The following FRYL variants were observed in gnomAD, a reference collection of about 807,000 sequenced individuals.
The protein encoded by FRYL is FRY like transcription coactivator, also known as protein furry homolog-like.
Under a neutral mutation model 351.2 loss-of-function variants are expected in FRYL, and 150 were observed. The observed-to-expected ratio is 0.43, with a 90% CI of 0.37 to 0.49. The LOEUF (loss-of-function observed/expected upper bound fraction) is 0.49, where lower values mean the gene tolerates loss of function less well. Ranked by LOEUF, FRYL falls within the 20% of genes least tolerant of loss-of-function variation. The probability of loss-of-function intolerance (pLI) is 0.00; values close to 1 mark genes in which losing one functional copy is unlikely to be tolerated. For missense variants in FRYL, 3,036 were observed against 3,619.3 expected (o/e 0.84, Z 4.13); for synonymous variants, 1,153 against 1,257.1 (o/e 0.92, Z 1.75).
rs1560614292 is a variant in FRYL at position 48,564,114 on chromosome 4, TTG to T, written c.3442-14_3442-13del. On this transcript the variant is annotated splice_polypyrimidine_tract_variant and intron_variant, in intron 30 of 63. Transcript: ENST00000358350. ...CCCAGCTGGTGAACCTAGGTAAAGG[TTG>T]TGAAATTGCCCGAGAGAGAACGTTA... 1.2e-6 allele frequency: 2 copies of T among 1,612,124 alleles called. No individual in the cohort carries two copies. The highest frequency in any genetic ancestry group is 1.7e-5 in the Admixed American group (1 of 59,390).
At position 48,753,152 on chromosome 4, in the gene FRYL, T is replaced by C. The variant is rs367806566; in HGVS notation, c.-384+26926A>G. Among the ~76,000 whole-genome samples the C allele has an allele frequency of 5.9e-5, 9 of 152,308 alleles. No individual in the cohort carries two copies. In the South Asian group the frequency reaches 1.2e-3, roughly 21 times the overall value. ...TTGCTAATAAGAGATCTTCTTTCTA[T>C]TGGCACAGGATCATGACATTAAACA... On this transcript the variant is annotated intron_variant, in intron 1 of 63. Transcript: ENST00000358350.
intron 10 of FRYL, 81 bp from the exon 11 acceptor site, chr4:48,605,914 C>T (rs1459072919): frequency 3.5e-5 from 31 of 883,174 alleles, no homozygotes; most frequent in Non-Finnish European, 5.5e-5. Context: ...ATTTTGTGAA[C>T]ACTCTGTCAT....
At chr4:48,562,789 A>G in intron 32 of FRYL, 100 bp downstream of exon 32, 1 of 688,084 alleles carries the variant, frequency 1.5e-6, no homozygotes, top group Non-Finnish European at 2.6e-6. Flanking sequence ...CTATAAATAA[A>G]GCTAAATACT....
intron 28 of FRYL, 81 bp from the exon 29 acceptor site, chr4:48,565,772 T>G (rs775381870): frequency 6.7e-6 from 9 of 1,338,894 alleles, no homozygotes; most frequent in Non-Finnish European, 9.3e-6. Context: ...ATTGAATGTG[T>G]AATAGTGTAA....
chr4:48,499,480 G>A lies in FRYL; in HGVS notation c.8984C>T (p.Ser2995Leu). 6.2e-7 allele frequency: 1 copy of A among 1,613,812 alleles called. No homozygotes were observed. Among genetic ancestry groups the A allele is most frequent in the Non-Finnish European group, 8.5e-7 (1 of 1,179,724 alleles). The change falls in exon 64 of 64, where the codon TCA becomes TTA. Residue 2995 changes from serine (S) to leucine (L), a missense_variant. Around this residue, in one of 7 missense-constraint regions of FRYL, gnomAD observed 1,987 missense variants for 2,311.7 expected, o/e 0.86. Coordinates refer to ENST00000358350, the MANE Select transcript of FRYL (RefSeq NM_015030.2). Reference protein sequence around the residue: ...EIRESLRMVQSYQLLAQAKPM... With the variant: ...EIRESLRMVQLYQLLAQAKPM... ...TTTGGCCTGTGCTAGAAGTTGGTAT[G>A]ATTGCACCATGCGTAGAGACTCTCT...
chr4:48,582,507 T>G lies in FRYL; in HGVS notation c.1976A>C (p.Gln659Pro), dbSNP rs945800575. 1.2e-6 allele frequency: 2 copies of G among 1,608,390 alleles called. No individual in the cohort carries two copies. The highest frequency in any genetic ancestry group is 1.7e-6 in the Non-Finnish European group (2 of 1,174,962). ...KQAAQMHNKN[Q>P]DTQHGVANGA... ...AAAAGAATCTGGTACCTGAGTGTCC[T>G]GGTTTTTATTATGCATTTGGGCTGC... Residue 659 changes from glutamine (Q) to proline (P), a missense_variant, in exon 20 of 64, where the codon CAG becomes CCG. By Grantham distance (76) the Gln-to-Pro change is moderately conservative. This residue lies in a region of FRYL where 492 missense variants were observed against 551.5 expected (regional missense o/e 0.89). Coordinates refer to ENST00000358350, the MANE Select transcript of FRYL (RefSeq NM_015030.2).
At position 48,502,843 on chromosome 4, in the gene FRYL, T is replaced by C. The variant is rs757209607; in HGVS notation, c.8466A>G (p.Gln2822=). ...DMYRINTDAQ[Q]MEILAELELC... is the part of the protein sequence containing the mutation. ...GGTCACTTACTGCTAGTATTTCCAT[T>C]TGCTAAGCAAGAAGGTGATCAGGTC... Residue 2822 remains glutamine, a splice_region_variant and synonymous_variant, in exon 61 of 64, where the codon CAA becomes CAG. Transcript: ENST00000358350. 1.2e-5 allele frequency: 20 copies of C among 1,610,426 alleles called. No homozygotes were observed. The African/African-American group carries it at 2.0e-4, about 16-fold the overall frequency.
At chr4:48,689,270 G>C (rs1435413934) in intron 2 of FRYL, among the ~76,000 whole-genome samples, 1 of 152,192 alleles carries the variant, frequency 6.6e-6, no homozygotes, top group African/African-American at 2.4e-5. Context: ...GAAGTTTTCT[G>C]TAACAGTTTC....
At chr4:48,651,251 TGTG>T (rs1757599284) in intron 3 of FRYL, among the ~76,000 whole-genome samples, 1 of 104,832 alleles carries the variant, frequency 9.5e-6, no homozygotes, top group East Asian at 2.8e-4. Context: ...TGTGTGTGTG[TGTG>T]TGTGTAGTGG....
intron 56 of FRYL, among the ~76,000 whole-genome samples, chr4:48,514,376 G>A (rs1486496324): frequency 6.6e-5 from 10 of 151,950 alleles, no homozygotes; most frequent in Admixed American, 6.6e-5. Flanking sequence ...AGAATTATTT[G>A]GTTTAAGAGT....
intron 7 of FRYL, among the ~76,000 whole-genome samples, chr4:48,613,421 C>T (rs1370655598): frequency 6.6e-6 from 1 of 152,140 alleles, no homozygotes; most frequent in African/African-American, 2.4e-5. Flanking sequence ...AGGGAGACTA[C>T]TATATTTGCT....
chr4:48,553,138 C>T, intron 36 of FRYL, 77 bp downstream of exon 36: 2 of 1,158,072 alleles, frequency 1.7e-6, no homozygotes, highest in Non-Finnish European at 2.5e-6. Flanking sequence ...CATAGAGACC[C>T]TAAAATGGTT....
At position 48,620,725 on chromosome 4, in the gene FRYL, G is replaced by A. The variant is rs1308448593; in HGVS notation, c.228C>T (p.Arg76=). ...GGCGTCTGTACCAGTCAAACAAGGT[G>A]CGAAGTAAGGAAGGGAGACAGTGCT... is the stretch of plus-strand genomic sequence containing the variant. ...VAEHCLPSLL[R]TLFDWYRRQN... The change falls in exon 6 of 64, where the codon CGC becomes CGT. Residue 76 remains arginine, a synonymous_variant. Coordinates refer to ENST00000358350, the MANE Select transcript of FRYL (RefSeq NM_015030.2). 6.2e-7 allele frequency: 1 copy of A among 1,613,886 alleles called. No individual in the cohort carries two copies. The highest frequency in any genetic ancestry group is 1.7e-5 in the Admixed American group (1 of 60,016).
chr4:48,547,715 T>G lies in FRYL; in HGVS notation c.4943A>C (p.His1648Pro). 1 of 1,589,572 alleles carries G rather than the reference T, an allele frequency of 6.3e-7. No homozygotes were observed. The highest frequency in any genetic ancestry group is 8.6e-7 in the Non-Finnish European group (1 of 1,163,890). The change falls in exon 41 of 64, where the codon CAC becomes CCC. Residue 1648 changes from histidine (H) to proline (P), a missense_variant. This residue lies in a region of FRYL where 1,987 missense variants were observed against 2,311.7 expected (regional missense o/e 0.86). Coordinates refer to ENST00000358350, the MANE Select transcript of FRYL (RefSeq NM_015030.2). Reference protein sequence around the residue: ...VYEHCKRLLLHLLIVMGPNSN... With the variant: ...VYEHCKRLLLPLLIVMGPNSN... ...ATTGGGTCCCATTACTATTAATAAG[T>G]GCAGAAGCAGGCGTTTACAATGTTC... is the stretch of plus-strand genomic sequence containing the variant.
intron 1 of FRYL, among the ~76,000 whole-genome samples, chr4:48,754,668 G>GTTTT (rs1195942954): frequency 2.1e-5 from 3 of 142,230 alleles, no homozygotes; most frequent in African/African-American, 7.9e-5. Context: ...TTTTTTTGGG[G>GTTTT]TTTTTTTTTT....
chr4:48,646,725 T>C (rs887980910), intron 3 of FRYL, among the ~76,000 whole-genome samples: 1 of 152,176 alleles, frequency 6.6e-6, no homozygotes, highest in Non-Finnish European at 1.5e-5. Flanking sequence ...TCAGGTATCA[T>C]ATTTAAAATA....
chr4:48,696,678 G>C (rs1363956531), intron 2 of FRYL, among the ~76,000 whole-genome samples: 1 of 151,630 alleles, frequency 6.6e-6, no homozygotes, highest in African/African-American at 2.4e-5. Context: ...CTTGTATCCC[G>C]GAACTTAAAG....
Position 48,606,626 on chromosome 4 carries a change from A to G in FRYL, c.573-20T>C, listed in dbSNP as rs1420212657. 3 of 1,555,878 alleles carry G rather than the reference A, an allele frequency of 1.9e-6. No homozygotes were observed. Among genetic ancestry groups the G allele is most frequent in the African/African-American group, 2.7e-5 (2 of 73,470 alleles). On this transcript the variant is annotated intron_variant, in intron 9 of 63. Coordinates refer to ENST00000358350, the MANE Select transcript of FRYL (RefSeq NM_015030.2). Reference sequence around the variant, plus strand: ...TGAAACCTTTAATATACGTGGAGACATCATTTGATTTGAATTAAAAACACT... The same window carrying G: ...TGAAACCTTTAATATACGTGGAGACGTCATTTGATTTGAATTAAAAACACT...
chr4:48,666,771 T>C (rs775767525), intron 3 of FRYL, among the ~76,000 whole-genome samples: 1 of 152,144 alleles, frequency 6.6e-6, no homozygotes, highest in Non-Finnish European at 1.5e-5. Flanking sequence ...AGTTTCTTCA[T>C]CAAGTTGACT....
Sources: allele counts gnomAD v4.1 joint callset (sites outside exome capture counted in the v4.1 genomes callset), GRCh38; gene constraint gnomAD v4.1.1; regional missense constraint gnomAD v4.1.1; transcripts MANE v1.5; gene names NCBI Gene and HGNC (gene_info 2026-07-23, HGNC 2026-07-21).